Variants in TRMT9B observed in about 807,000 individuals in gnomAD.
TRMT9B encodes the protein probable tRNA methyltransferase 9B.
Under a neutral mutation model 11.5 loss-of-function variants are expected in TRMT9B, and 16 were observed. The ratio of observed to expected loss-of-function variants is 1.39; its 90% CI spans 0.94 to 2.11. The LOEUF is 2.11. Ranked by LOEUF, TRMT9B falls within the 30% of genes most tolerant of loss-of-function variation. The pLI, the probability that TRMT9B is intolerant of heterozygous loss-of-function variation, is 0.00. For synonymous variants in TRMT9B, 274 were observed against 192.4 expected (o/e 1.42, Z -3.51); for missense variants, 941 against 553.8 (o/e 1.70, Z -7.02).
intron 3 of TRMT9B, chr8:13,012,171 A>C (rs951274570): frequency 8.0e-5 from 79 of 984,458 alleles, no homozygotes; most frequent in Non-Finnish European, 9.2e-5. Flanking sequence ...TTTTTTTCCT[A>C]TTGCCTTTCT....
chr8:13,010,143 A>C, intron 3 of TRMT9B: 2 of 686,562 alleles, frequency 2.9e-6, no homozygotes, highest in Non-Finnish European at 3.6e-6. Flanking sequence ...ATCTGAAAAA[A>C]AAAAAAAAAG....
At chr8:12,948,724 G>T (rs991169079) in intron 1 of TRMT9B, among the ~76,000 whole-genome samples, 5 of 152,086 alleles carry the variant, frequency 3.3e-5, no homozygotes, top group African/African-American at 1.2e-4. Flanking sequence ...ACTTTGGGAG[G>T]CCAAGGCGGG....
At chr8:12,952,128 G>C (rs1027180074) in intron 1 of TRMT9B, 3 of 445,594 alleles carry the variant, frequency 6.7e-6, no homozygotes, top group African/African-American at 6.1e-5. Context: ...TTTTGCCCCT[G>C]GCTGCGGGAC....
intron 2 of TRMT9B, among the ~76,000 whole-genome samples, chr8:12,994,717 T>C (rs950645038): frequency 2.6e-5 from 4 of 152,226 alleles, no homozygotes; most frequent in African/African-American, 9.6e-5. Context: ...GTTTCGCTCC[T>C]GTTGCCCCGG....
rs115665657 is a variant in TRMT9B, at chr8:12,954,426, A to T, written c.-200+8460A>T. 5.6e-3 allele frequency among the ~76,000 whole-genome samples: 853 copies of T among 151,046 alleles called. 10 individuals are homozygous for T. The highest frequency in any genetic ancestry group is 0.02 in the African/African-American group (826 of 40,490). ...CATATTTGGCACTATACAGGCTCAT[A>T]ATATTGAGAGCAAAATGCAATTAAA... On this transcript the variant is annotated intron_variant, in intron 1 of 4. Coordinates refer to ENST00000524591, the MANE Select transcript of TRMT9B (RefSeq NM_020844.3).
In TRMT9B at chr8:13,022,843, TGTG is replaced by T. The variant is rs981462782; in HGVS notation, c.*806_*808del. 4 of 165,318 alleles carry T rather than the reference TGTG, an allele frequency of 2.4e-5. No homozygotes were observed. Among genetic ancestry groups the T allele is most frequent in the African/African-American group, 9.7e-5 (4 of 41,266 alleles). 10.2% of individuals were successfully genotyped at this position (165,318 alleles called of 1,614,324 possible). On this transcript the variant is annotated 3_prime_UTR_variant, in exon 5 of 5. Transcript: ENST00000524591. ...CCCATCTCTATAAAAATTAGCAAGATGTGGTGGTGCATGCCTGTCATCCAAGCT... is the reference window on the plus strand; with the variant it reads ...CCCATCTCTATAAAAATTAGCAAGATGTGGTGCATGCCTGTCATCCAAGCT...
intron 2 of TRMT9B, among the ~76,000 whole-genome samples, chr8:12,992,636 G>A (rs576456160): frequency 1.3e-5 from 2 of 151,922 alleles, no homozygotes; most frequent in African/African-American, 4.8e-5. Flanking sequence ...CAGATCACCT[G>A]AGCTCAGGAG....
chr8:12,957,127 G>T (rs1403725083), intron 1 of TRMT9B, among the ~76,000 whole-genome samples: 1 of 151,998 alleles, frequency 6.6e-6, no homozygotes, highest in Non-Finnish European at 1.5e-5. Context: ...CTCTCATGGT[G>T]AGGTGGAAGA....
chr8:12,973,282 G>T (rs1803912292), intron 1 of TRMT9B, among the ~76,000 whole-genome samples: 1 of 152,124 alleles, frequency 6.6e-6, no homozygotes, highest in Non-Finnish European at 1.5e-5. Flanking sequence ...CATGCTCTGG[G>T]TGCCCCTTCC....
intron 1 of TRMT9B, among the ~76,000 whole-genome samples, chr8:12,964,715 T>A (rs932946129): frequency 6.6e-6 from 1 of 151,834 alleles, no homozygotes; most frequent in African/African-American, 2.4e-5. Flanking sequence ...ACTTGGACTA[T>A]AAGCATGCCA....
chr8:12,953,835 G>A (rs1003753751), intron 1 of TRMT9B, among the ~76,000 whole-genome samples: 2 of 152,164 alleles, frequency 1.3e-5, no homozygotes. Flanking sequence ...AAGACCTTGA[G>A]AAGTTGGGAC....
chr8:13,017,916 C>G (rs1266084531), intron 4 of TRMT9B, among the ~76,000 whole-genome samples: 2 of 151,706 alleles, frequency 1.3e-5, no homozygotes, highest in Admixed American at 6.6e-5. Context: ...GAGGCACCAT[C>G]CGTGGCCAGC....
intron 3 of TRMT9B, chr8:13,011,771 T>A: frequency 3.1e-6 from 3 of 961,398 alleles, no homozygotes; most frequent in Non-Finnish European, 3.7e-6. Context: ...GTTTTTATAA[T>A]CTGAGTTGTA....
intron 1 of TRMT9B, among the ~76,000 whole-genome samples, chr8:12,979,514 T>C (rs759744819): frequency 3.3e-5 from 5 of 152,210 alleles, no homozygotes; most frequent in Non-Finnish European, 7.3e-5. Flanking sequence ...TTTGTGTTTC[T>C]TTTTTCTTAA....
At chr8:12,988,028 C>A (rs141460445) in intron 1 of TRMT9B, among the ~76,000 whole-genome samples, 1 of 152,186 alleles carries the variant, frequency 6.6e-6, no homozygotes, top group African/African-American at 2.4e-5. Context: ...AAGTCTGGGA[C>A]CATCTGTATA....
chr8:12,985,108 C>T (rs760842206), intron 1 of TRMT9B, among the ~76,000 whole-genome samples: 38 of 152,076 alleles, frequency 2.5e-4, no homozygotes, highest in Non-Finnish European at 4.1e-4. Flanking sequence ...TGACATTTTT[C>T]GAGGAAAACA....
In TRMT9B at chr8:13,012,030, G is replaced by C. The variant is rs1258949569; in HGVS notation, c.155-654G>C. 3.0e-6 allele frequency: 3 copies of C among 985,248 alleles called. No individual in the cohort carries two copies. In the South Asian group the frequency reaches 1.4e-4, roughly 46 times the overall value. 61.0% of individuals were successfully genotyped at this position (985,248 alleles called of 1,614,324 possible). ...TATACAAAATGAAATATGAATGTGA[G>C]CTTAGAGGCTACACGTGGTCTCTCG... On this transcript the variant is annotated intron_variant, in intron 3 of 4. Transcript: ENST00000524591.
chr8:12,955,380 C>T (rs7832754), intron 1 of TRMT9B, among the ~76,000 whole-genome samples: 13,852 of 152,098 alleles, frequency 0.091, 854 homozygotes, highest in African/African-American at 0.17. Context: ...TGGTCCTCTT[C>T]ACACATATGC....
At chr8:12,959,753 T>A (rs573031213) in intron 1 of TRMT9B, among the ~76,000 whole-genome samples, 1 of 152,156 alleles carries the variant, frequency 6.6e-6, no homozygotes, top group African/African-American at 2.4e-5. Context: ...GGTCTTGAAC[T>A]CCTAGGCTCA....
Sources: allele counts gnomAD v4.1 joint callset (sites outside exome capture counted in the v4.1 genomes callset), GRCh38; gene constraint gnomAD v4.1.1; transcripts MANE v1.5; gene names NCBI Gene and HGNC (gene_info 2026-07-23, HGNC 2026-07-21).